CTNND2: variants seen among roughly 807,000 people sequenced by gnomAD.
The protein encoded by CTNND2 is catenin delta-2.
CTNND2 carries 22 observed loss-of-function variants against 144.4 expected under a neutral mutation model. That is an observed-to-expected ratio of 0.15 (90% CI 0.11 to 0.22). The LOEUF (loss-of-function observed/expected upper bound fraction) is 0.22. Among genes scored for constraint, CTNND2 ranks in the 10% least tolerant of loss-of-function variants. CTNND2 has a pLI of 1.00. For synonymous variants in CTNND2, 751 were observed against 695.6 expected (o/e 1.08, Z -1.25); for missense variants, 1,353 against 1,618.8 (o/e 0.84, Z 2.82).
chr5:11,797,912 CTT>C (rs1314072461), intron 1 of CTNND2, among the ~76,000 whole-genome samples: 1 of 152,088 alleles, frequency 6.6e-6, no homozygotes, highest in Non-Finnish European at 1.5e-5. Context: ...TTTTAAATGA[CTT>C]TAGTTTAAAA....
chr5:11,385,026 G>A lies in CTNND2; in HGVS notation c.816C>T (p.Pro272=), dbSNP rs1358012401. ...GCAGCTTGGTGGGCGAACCGCCCTG[G>A]GGCGCGGCCAGCGGGGAGCCCCCGC... ...PPRGGSPLAA[P]QGGSPTKLQR... is the part of the protein sequence containing the mutation. Residue 272 remains proline (P), a synonymous_variant, in exon 7 of 22, where the codon CCC becomes CCT. Transcript: ENST00000304623. 2 of 1,223,990 alleles carry A rather than the reference G, an allele frequency of 1.6e-6. No individual in the cohort carries two copies. Among genetic ancestry groups the A allele is most frequent in the African/African-American group, 1.6e-5 (1 of 63,026 alleles). 75.8% of individuals were successfully genotyped at this position (1,223,990 alleles called of 1,614,324 possible).
intron 15 of CTNND2, among the ~76,000 whole-genome samples, chr5:11,091,267 T>G (rs190014669): frequency 7.9e-5 from 12 of 152,336 alleles, no homozygotes; most frequent in African/African-American, 2.6e-4. Flanking sequence ...CTGCAATGTC[T>G]AAACTGCTGT....
intron 3 of CTNND2, among the ~76,000 whole-genome samples, chr5:11,534,665 T>G (rs1774054348): frequency 6.6e-6 from 1 of 152,150 alleles, no homozygotes; most frequent in African/African-American, 2.4e-5. Context: ...TGAGACCTGG[T>G]GACATCTATT....
rs191641666 is a variant in CTNND2, at chr5:11,722,971, A to C, written c.174+9165T>G. Among the ~76,000 whole-genome samples, 9 of 152,352 alleles carry C rather than the reference A, an allele frequency of 5.9e-5. No homozygotes were observed. The East Asian group carries it at 1.5e-3, about 26-fold the overall frequency. Reference sequence around the variant, plus strand: ...TATGACAACATCAAGAGTTTCATCAAGCACAAATATGTGAAAAATCTCCCA... The same window carrying C: ...TATGACAACATCAAGAGTTTCATCACGCACAAATATGTGAAAAATCTCCCA... On this transcript the variant is annotated intron_variant, in intron 2 of 21. Coordinates refer to ENST00000304623, the MANE Select transcript of CTNND2 (RefSeq NM_001332.4).
chr5:11,689,144 A>G (rs1784784688), intron 2 of CTNND2, among the ~76,000 whole-genome samples: 1 of 152,222 alleles, frequency 6.6e-6, no homozygotes, highest in African/African-American at 2.4e-5. Flanking sequence ...CTGTAGCACC[A>G]ATCCAAAACT....
intron 2 of CTNND2, among the ~76,000 whole-genome samples, chr5:11,689,690 TA>T (rs1314759982): frequency 1.3e-5 from 2 of 152,334 alleles, no homozygotes; most frequent in African/African-American, 4.8e-5. Context: ...TTCTGTATTT[TA>T]TTATGGTGAT....
At chr5:11,441,545 A>AT (rs1220034998) in intron 3 of CTNND2, among the ~76,000 whole-genome samples, 236 of 145,074 alleles carry the variant, frequency 1.6e-3, no homozygotes, top group East Asian at 5.5e-3. Flanking sequence ...TGCCCAGCTA[A>AT]TTTTTTTTTT....
intron 9 of CTNND2, among the ~76,000 whole-genome samples, chr5:11,272,524 A>AT (rs1364808611): frequency 6.6e-6 from 1 of 152,132 alleles, no homozygotes; most frequent in East Asian, 1.9e-4. Context: ...ACAAAACCCA[A>AT]TTTTTCCTTA....
chr5:11,781,252 T>C (rs1314572012), intron 1 of CTNND2, among the ~76,000 whole-genome samples: 1 of 152,036 alleles, frequency 6.6e-6, no homozygotes. Context: ...GGAACCAAGA[T>C]TGAGCTTCAG....
At chr5:11,386,578 A>C (rs1053561200) in intron 6 of CTNND2, among the ~76,000 whole-genome samples, 2 of 152,154 alleles carry the variant, frequency 1.3e-5, no homozygotes, top group Admixed American at 1.3e-4. Flanking sequence ...GGAGGTAAAC[A>C]GTTTGGTGAG....
chr5:11,021,855 T>C (rs1318739469), intron 17 of CTNND2, among the ~76,000 whole-genome samples: 1 of 152,026 alleles, frequency 6.6e-6, no homozygotes, highest in Admixed American at 6.6e-5. Context: ...AGTCAAGAAA[T>C]AGACTCTTGA....
intron 10 of CTNND2, among the ~76,000 whole-genome samples, chr5:11,201,642 G>A (rs761111601): frequency 1.1e-4 from 16 of 152,156 alleles, no homozygotes; most frequent in Non-Finnish European, 1.6e-4. Context: ...TGAATGCAGC[G>A]TTTCACATAT....
chr5:11,012,927 T>C (rs1394571553), intron 18 of CTNND2, among the ~76,000 whole-genome samples: 11 of 152,186 alleles, frequency 7.2e-5, no homozygotes, highest in African/African-American at 2.4e-4. Flanking sequence ...CAAAAAAGGA[T>C]AGCATGGTGA....
At chr5:11,631,757 G>A (rs73742898) in intron 2 of CTNND2, among the ~76,000 whole-genome samples, 2,226 of 152,266 alleles carry the variant, frequency 0.015, 58 homozygotes, top group African/African-American at 0.051. Context: ...GCAGCATGCT[G>A]AGACTAATGA....
intron 1 of CTNND2, among the ~76,000 whole-genome samples, chr5:11,852,660 T>C (rs1431120568): frequency 1.3e-5 from 2 of 152,180 alleles, no homozygotes; most frequent in Non-Finnish European, 2.9e-5. Flanking sequence ...AAGTTTCTGT[T>C]TACATGCAGT....
At chr5:11,409,203 T>A (rs1309975202) in intron 5 of CTNND2, among the ~76,000 whole-genome samples, 2 of 152,044 alleles carry the variant, frequency 1.3e-5, no homozygotes, top group Non-Finnish European at 2.9e-5. Context: ...GAAGTATGTT[T>A]CTTAGTTTTA....
intron 5 of CTNND2, among the ~76,000 whole-genome samples, chr5:11,402,610 C>A (rs7737040): frequency 0.17 from 26,050 of 152,128 alleles, 4,348 homozygotes; most frequent in African/African-American, 0.44. Context: ...TTCTCCTGAT[C>A]TTCGTTAGTA....
chr5:11,708,562 T>C (rs547787467), intron 2 of CTNND2, among the ~76,000 whole-genome samples: 2 of 152,270 alleles, frequency 1.3e-5, no homozygotes, highest in African/African-American at 4.8e-5. Flanking sequence ...AATAACAATG[T>C]CTAAAATATA....
chr5:11,244,725 T>A (rs1433884377), intron 9 of CTNND2, among the ~76,000 whole-genome samples: 1 of 152,212 alleles, frequency 6.6e-6, no homozygotes, highest in Non-Finnish European at 1.5e-5. Flanking sequence ...TCCAAGCATA[T>A]GCTAAGGAAA....
Sources: allele counts gnomAD v4.1 joint callset (sites outside exome capture counted in the v4.1 genomes callset), GRCh38; gene constraint gnomAD v4.1.1; transcripts MANE v1.5; gene names NCBI Gene and HGNC (gene_info 2026-07-23, HGNC 2026-07-21).